Variants in HTATSF1 observed in about 807,000 individuals in gnomAD.
The protein encoded by HTATSF1 is 17S U2 SnRNP complex component HTATSF1.
In HTATSF1, 6 loss-of-function variants were observed where a neutral mutation model predicts 46.1. The observed-to-expected ratio is 0.13, with a 90% CI of 0.07 to 0.26. HTATSF1 has a LOEUF of 0.26. HTATSF1 is among the 10% of genes least tolerant of loss of function. The probability of loss-of-function intolerance (pLI) is 1.00; values close to 1 mark genes in which losing one functional copy is unlikely to be tolerated. For missense variants in HTATSF1, 452 were observed against 559.9 expected, an observed-to-expected ratio of 0.81 and a Z score of 1.94; for synonymous variants, 226 against 211.5, an observed-to-expected ratio of 1.07 and a Z score of -0.60.
intron 2 of HTATSF1, 54 bp downstream of exon 2, chrX:136,499,832 G>A: frequency 1.1e-6 from 1 of 936,714 alleles, no homozygotes; most frequent in Non-Finnish European, 1.4e-6. Context: ...ATATGGGTGT[G>A]CATAGGTACA....
At chrX:136,510,525 C>G (rs1226798659) in intron 8 of HTATSF1, among the ~76,000 whole-genome samples, 5 of 112,023 alleles carry the variant, frequency 4.5e-5, no homozygotes, top group Non-Finnish European at 9.4e-5. Context: ...GTTACTCTTC[C>G]TTTGTATGCT....
intron 8 of HTATSF1, among the ~76,000 whole-genome samples, 185 bp downstream of exon 8, chrX:136,510,404 T>C (rs764089829): frequency 7.1e-5 from 8 of 113,051 alleles, no homozygotes; most frequent in Non-Finnish European, 1.5e-4. Context: ...TGCTTTTAAA[T>C]AATATTTTGC....
intron 1 of HTATSF1, among the ~76,000 whole-genome samples, chrX:136,498,934 T>C (rs766690361): frequency 8.8e-6 from 1 of 113,258 alleles, no homozygotes; most frequent in South Asian, 3.6e-4. Flanking sequence ...TATATTTCTT[T>C]CGTTTTGCAA....
intron 6 of HTATSF1, among the ~76,000 whole-genome samples, chrX:136,507,887 A>G (rs778415942): frequency 9.0e-6 from 1 of 111,353 alleles, no homozygotes; most frequent in Non-Finnish European, 1.9e-5. Context: ...AACCCCACAC[A>G]CACACACACA....
At chrX:136,499,135 T>C (rs1426124914) in intron 1 of HTATSF1, among the ~76,000 whole-genome samples, 1 of 112,928 alleles carries the variant, frequency 8.9e-6, no homozygotes, top group Admixed American at 9.3e-5. Flanking sequence ...CATACAGATA[T>C]TTAAGTACTT....
chrX:136,500,772 A>G lies in HTATSF1; in HGVS notation c.524A>G (p.Asp175Gly). The G allele has an allele frequency of 8.7e-7, 1 of 1,143,947 alleles. No individual in the cohort carries two copies. Among genetic ancestry groups the G allele is most frequent in the South Asian group, 2.2e-5 (1 of 45,938 alleles). The allele number at this position is 1,143,947 out of a possible 1,213,427, so 94.3% of individuals were successfully genotyped here. A position where few individuals can be genotyped will look rare whatever the true frequency, so the allele number is the denominator to read the frequency against. Reference sequence around the variant, plus strand: ...GAATTTAAGGTCAAACTTTACAAAGATAATCAAGGAAATCTTAAAGGAGAC... The same window carrying G: ...GAATTTAAGGTCAAACTTTACAAAGGTAATCAAGGAAATCTTAAAGGAGAC... ...TEEFKVKLYK[D>G]NQGNLKGDGL... Residue 175 changes from aspartate (D) to glycine (G), a missense_variant, in exon 4 of 9, where the codon GAT (aspartate) becomes GGT (glycine). Physicochemically the swap from Asp to Gly is moderately conservative, Grantham distance 94 (BLOSUM62 -1). Around this residue, in one of 3 missense-constraint regions of HTATSF1, gnomAD observed 117 missense variants for 222.2 expected, o/e 0.53. Transcript: ENST00000218364.
intron 5 of HTATSF1, among the ~76,000 whole-genome samples, chrX:136,503,966 G>A (rs1194283901): frequency 9.0e-6 from 1 of 111,212 alleles, no homozygotes; most frequent in African/African-American, 3.3e-5. Context: ...TACCTCCGGG[G>A]TTCAAGCTAT....
At chrX:136,509,329 T>C in intron 7 of HTATSF1, 149 bp downstream of exon 7, 2 of 446,969 alleles carry the variant, frequency 4.5e-6, no homozygotes, top group South Asian at 7.6e-5. Flanking sequence ...TTAGCAATAA[T>C]GAGATGAACG....
At chrX:136,501,601 A>G (rs906237463) in intron 4 of HTATSF1, among the ~76,000 whole-genome samples, 2 of 112,362 alleles carry the variant, frequency 1.8e-5, no homozygotes, top group African/African-American at 6.5e-5. Context: ...GGTACAGAAC[A>G]AATGATGACA....
chrX:136,503,854 C>T (rs1041406920), intron 5 of HTATSF1, among the ~76,000 whole-genome samples: 12 of 111,225 alleles, frequency 1.1e-4, no homozygotes, highest in African/African-American at 3.9e-4. Context: ...ATCATTTTGC[C>T]TCTGCCTTTT....
Position 136,511,944 on chromosome X carries a change from T to G in HTATSF1, c.2199T>G (p.Val733=). 1 of 1,211,190 alleles carries G rather than the reference T, an allele frequency of 8.3e-7. No individual in the cohort carries two copies. Among genetic ancestry groups the G allele is most frequent in the South Asian group, 1.8e-5 (1 of 56,940 alleles). ...ERGTLGGFGS[V]EEGPLSTGSS... is the part of the protein sequence containing the mutation. ...GGACTTTGGGTGGTTTTGGGAGTGT[T>G]GAAGAAGGGCCCCTATCCACTGGCA... The change falls in exon 9 of 9, where the codon GTT becomes GTG. Residue 733 remains valine (V), a synonymous_variant. Coordinates refer to ENST00000218364, the MANE Select transcript of HTATSF1 (RefSeq NM_014500.5).
intron 3 of HTATSF1, 64 bp downstream of exon 3, chrX:136,500,269 G>T: frequency 1.3e-6 from 1 of 742,267 alleles, no homozygotes; most frequent in Non-Finnish European, 2.0e-6. Context: ...TTTTCACGAA[G>T]TGATTTTTAG....
chrX:136,497,569 CCGGGGGGCGGCGGGG>C (rs777839663), upstream of HTATSF1: 32 of 584,407 alleles, frequency 5.5e-5, no homozygotes, highest in Non-Finnish European at 7.7e-5. Context: ...GGGAGGCGGG[CCGGGGGGCGGCGGGG>C]CGCGAGCAGA....
chrX:136,512,045 C>T lies in HTATSF1; in HGVS notation c.*32C>T. 2 of 1,163,724 alleles carry T rather than the reference C, an allele frequency of 1.7e-6. No homozygotes were observed. The highest frequency in any genetic ancestry group is 2.3e-6 in the Non-Finnish European group (2 of 869,907). On this transcript the variant is annotated 3_prime_UTR_variant, in exon 9 of 9. Transcript: ENST00000218364. Reference sequence around the variant, plus strand: ...AAACTTGCTTTTTAGGGAGAGTCCTCCATCTACATTTGCCTGTGCTTCAGG... The same window carrying T: ...AAACTTGCTTTTTAGGGAGAGTCCTTCATCTACATTTGCCTGTGCTTCAGG...
rs746842971 is a variant in HTATSF1, at chrX:136,499,791, A to G, written c.367+13A>G. 12 of 1,137,359 alleles carry G rather than the reference A, an allele frequency of 1.1e-5. No homozygotes were observed. In the African/African-American group the frequency reaches 1.5e-4, roughly 14 times the overall value. The allele number at this position is 1,137,359 out of a possible 1,213,427, so 93.7% of individuals were successfully genotyped here. A position where few individuals can be genotyped will look rare whatever the true frequency, so the allele number is the denominator to read the frequency against. ...AAGGCTGAGTCAGGTAAGTGGTTCTAGCTTACAAATTTTAAGTGTAAAAAT... is the reference window on the plus strand; with the variant it reads ...AAGGCTGAGTCAGGTAAGTGGTTCTGGCTTACAAATTTTAAGTGTAAAAAT... On this transcript the variant is annotated intron_variant, in intron 2 of 8. Coordinates refer to ENST00000218364, the MANE Select transcript of HTATSF1 (RefSeq NM_014500.5).
At position 136,499,622 on chromosome X, in the gene HTATSF1, T is replaced by C; in HGVS notation, c.211T>C (p.Tyr71His). 1 of 1,186,565 alleles carries C rather than the reference T, an allele frequency of 8.4e-7. No homozygotes were observed. The highest frequency in any genetic ancestry group is 3.0e-5 in the East Asian group (1 of 33,148). The part of the protein sequence containing the change: ...PKITEDFIAT[Y>H]QANYGFSNDG... ...GATTACTGAAGATTTCATTGCTACA[T>C]ATCAGGCCAATTATGGCTTCTCTAA... Residue 71 changes from tyrosine to histidine, a missense_variant, in exon 2 of 9, where the codon TAT (tyrosine) becomes CAT (histidine). Physicochemically the swap from Tyr to His is moderately conservative, Grantham distance 83. This residue lies in a region of HTATSF1 where 89 missense variants were observed against 92.3 expected (regional missense o/e 0.96). Coordinates refer to ENST00000218364, the MANE Select transcript of HTATSF1 (RefSeq NM_014500.5).
intron 4 of HTATSF1, among the ~76,000 whole-genome samples, chrX:136,501,528 A>G (rs1461971474): frequency 8.9e-6 from 1 of 112,795 alleles, no homozygotes; most frequent in Non-Finnish European, 1.9e-5. Flanking sequence ...CCTCAATGCC[A>G]GAGGCAGCCA....
chrX:136,504,498 A>G, intron 6 of HTATSF1, 35 bp downstream of exon 6: 13 of 1,074,528 alleles, frequency 1.2e-5, no homozygotes, highest in Non-Finnish European at 1.3e-5. Flanking sequence ...AGAAATGCTG[A>G]TAGGCTTTTT....
At chrX:136,498,568 C>CT (rs1299205333) in intron 1 of HTATSF1, among the ~76,000 whole-genome samples, 21 of 112,539 alleles carry the variant, frequency 1.9e-4, no homozygotes, top group African/African-American at 6.5e-4. Context: ...AAAGGGCACA[C>CT]TAATAGCACA....
Sources: allele counts gnomAD v4.1 joint callset (sites outside exome capture counted in the v4.1 genomes callset), GRCh38; gene constraint gnomAD v4.1.1; regional missense constraint gnomAD v4.1.1; transcripts MANE v1.5; gene names NCBI Gene and HGNC (gene_info 2026-07-23, HGNC 2026-07-21).